Variants in NCAPG2 observed in about 807,000 individuals in gnomAD.
The protein encoded by NCAPG2 is non-SMC condensin II complex subunit G2, also known as condensin-2 complex subunit G2.
NCAPG2 carries 53 observed loss-of-function variants against 141.1 expected under a neutral mutation model. The ratio of observed to expected loss-of-function variants is 0.38; its 90% CI spans 0.30 to 0.47. The LOEUF is 0.47. Ranked by LOEUF, NCAPG2 falls within the 20% of genes least tolerant of loss-of-function variation. NCAPG2 has a pLI of 0.99. For missense variants in NCAPG2, 1,087 were observed against 1,389.0 expected (o/e 0.78, Z 3.46); for synonymous variants, 499 against 490.7 (o/e 1.02, Z -0.22).
chr7:158,681,113 CA>C (rs1314500917), intron 9 of NCAPG2, among the ~76,000 whole-genome samples: 1 of 151,988 alleles, frequency 6.6e-6, no homozygotes, highest in African/African-American at 2.4e-5. Context: ...CACATAACCT[CA>C]AAAAAAGACT....
chr7:158,651,096 G>A, intron 23 of NCAPG2, 124 bp from the exon 24 acceptor site: 3 of 1,031,994 alleles, frequency 2.9e-6, no homozygotes, highest in Non-Finnish European at 2.6e-6. Context: ...CACTGATCTT[G>A]TTTGCCTGCT....
At chr7:158,669,111 T>A (rs1456526080) in intron 13 of NCAPG2, among the ~76,000 whole-genome samples, 1 of 152,232 alleles carries the variant, frequency 6.6e-6, no homozygotes, top group African/African-American at 2.4e-5. Context: ...CGTTCCTTTT[T>A]ATGGCGGCAT....
intron 2 of NCAPG2, among the ~76,000 whole-genome samples, chr7:158,698,968 G>A (rs1835625957): frequency 6.6e-6 from 1 of 151,946 alleles, no homozygotes; most frequent in African/African-American, 2.4e-5. Context: ...TAACATTACT[G>A]TAGAGACGGG....
At chr7:158,682,972 T>C (rs1834532940) in intron 9 of NCAPG2, among the ~76,000 whole-genome samples, 1 of 152,092 alleles carries the variant, frequency 6.6e-6, no homozygotes, top group African/African-American at 2.4e-5. Flanking sequence ...ATAAGTAAAA[T>C]AATAAAAATA....
At chr7:158,687,839 T>C (rs556514469) in intron 6 of NCAPG2, among the ~76,000 whole-genome samples, 26 of 152,318 alleles carry the variant, frequency 1.7e-4, no homozygotes, top group African/African-American at 6.0e-4. Flanking sequence ...CCCAGTTCAT[T>C]TCACCTTCTC....
At chr7:158,688,168 C>A (rs988563995) in intron 6 of NCAPG2, among the ~76,000 whole-genome samples, 7 of 88,774 alleles carry the variant, frequency 7.9e-5, no homozygotes, top group Admixed American at 1.5e-4. Flanking sequence ...ATGCTCACAA[C>A]AGGCAAGTTA....
intron 6 of NCAPG2, among the ~76,000 whole-genome samples, chr7:158,688,653 T>C (rs892698356): frequency 1.1e-4 from 16 of 152,254 alleles, no homozygotes; most frequent in Admixed American, 6.5e-5. Context: ...TTACCTCATC[T>C]GTTCCTAACA....
At chr7:158,651,764 G>C (rs1229287376) in intron 23 of NCAPG2, among the ~76,000 whole-genome samples, 1 of 152,166 alleles carries the variant, frequency 6.6e-6, no homozygotes, top group African/African-American at 2.4e-5. Flanking sequence ...GCCCCTTCAA[G>C]GTCTGTGACT....
chr7:158,638,803 C>A (rs951942305), intron 27 of NCAPG2, among the ~76,000 whole-genome samples: 2 of 152,102 alleles, frequency 1.3e-5, no homozygotes, highest in Non-Finnish European at 2.9e-5. Context: ...ACACAATTAA[C>A]GAACGTGAAC....
intron 13 of NCAPG2, among the ~76,000 whole-genome samples, chr7:158,667,807 C>G (rs1387149540): frequency 1.6e-5 from 1 of 64,212 alleles, no homozygotes; most frequent in African/African-American, 1.1e-4. Flanking sequence ...GGTCCCTCCG[C>G]CCTCCTTACC....
At chr7:158,699,340 T>C (rs975544429) in intron 2 of NCAPG2, among the ~76,000 whole-genome samples, 5 of 152,172 alleles carry the variant, frequency 3.3e-5, no homozygotes, top group African/African-American at 1.2e-4. Flanking sequence ...TCTGGAACAC[T>C]TGCTTGAAAA....
chr7:158,658,901 G>A (rs1217710381), intron 16 of NCAPG2, among the ~76,000 whole-genome samples: 1 of 152,070 alleles, frequency 6.6e-6, no homozygotes. Flanking sequence ...AATGCAGTGG[G>A]GCATAGTGGC....
chr7:158,655,294 A>G, intron 20 of NCAPG2, 36 bp from the exon 21 acceptor site: 3 of 1,613,862 alleles, frequency 1.9e-6, no homozygotes, highest in East Asian at 2.2e-5. Context: ...AGTAACAAAA[A>G]GAGCACTGTG....
intron 16 of NCAPG2, among the ~76,000 whole-genome samples, chr7:158,660,094 C>T (rs1478129451): frequency 2.2e-5 from 3 of 137,826 alleles, no homozygotes; most frequent in South Asian, 4.5e-4. Context: ...GGCGACAGAG[C>T]GAGAAAAAAA....
At position 158,679,990 on chromosome 7, in the gene NCAPG2, A is replaced by G. The variant is rs1834348459; in HGVS notation, c.1116T>C (p.Ser372=). Residue 372 remains serine (S), a synonymous_variant, in exon 11 of 28, where the codon AGT becomes AGC. Transcript: ENST00000356309. The part of the protein sequence containing the change: ...DPNLHAIEMD[S]EIQKQFEELY... ...GCTCTTCAAACTGTTTCTGGATTTCACTATCCATTTCAATAGCATGAAGGT... is the reference window on the plus strand; with the variant it reads ...GCTCTTCAAACTGTTTCTGGATTTCGCTATCCATTTCAATAGCATGAAGGT... 6.2e-7 allele frequency: 1 copy of G among 1,614,154 alleles called. No homozygotes were observed. The highest frequency in any genetic ancestry group is 8.5e-7 in the Non-Finnish European group (1 of 1,179,994).
intron 11 of NCAPG2, among the ~76,000 whole-genome samples, chr7:158,676,026 T>A (rs1834029877): frequency 1.3e-5 from 2 of 152,146 alleles, no homozygotes; most frequent in Admixed American, 1.3e-4. Context: ...GAGCCCAGAA[T>A]AAAATAATTC....
rs1410962732 is a variant in NCAPG2, at chr7:158,633,296, A to T, written c.3381-1579T>A. On this transcript the variant is annotated intron_variant, in intron 27 of 27. Transcript: ENST00000356309. This position sits in a 1 kb window ranked among gnomAD's most constrained non-coding sequence, Gnocchi z 4.1. Reference sequence around the variant, plus strand: ...TCCAAATTGACCTTTCTGGAATTTGACTATCACAGGAACCATCTCTGTAGT... The same window carrying T: ...TCCAAATTGACCTTTCTGGAATTTGTCTATCACAGGAACCATCTCTGTAGT... Among the ~76,000 whole-genome samples the T allele has an allele frequency of 1.5e-5, 1 of 66,918 alleles. No homozygotes were observed. Among genetic ancestry groups the T allele is most frequent in the Non-Finnish European group, 2.8e-5 (1 of 35,458 alleles). The allele number at this position is 66,918 out of a possible 152,430, so 43.9% of individuals were successfully genotyped here. A position where few individuals can be genotyped will look rare whatever the true frequency, so the allele number is the denominator to read the frequency against.
intron 24 of NCAPG2, among the ~76,000 whole-genome samples, chr7:158,647,243 G>C (rs140206673): frequency 6.6e-6 from 1 of 152,136 alleles, no homozygotes; most frequent in African/African-American, 2.4e-5. Flanking sequence ...TGACCAGCTC[G>C]TTCTTTGGGG....
intron 13 of NCAPG2, among the ~76,000 whole-genome samples, chr7:158,667,539 G>T (rs77331826): frequency 7.8e-5 from 2 of 25,510 alleles, no homozygotes; most frequent in Admixed American, 5.1e-4. Flanking sequence ...CTACCCTGTG[G>T]CCCTCCACCC....
Sources: allele counts gnomAD v4.1 joint callset (sites outside exome capture counted in the v4.1 genomes callset), GRCh38; gene constraint gnomAD v4.1.1; non-coding constraint Gnocchi (gnomAD v3.1); transcripts MANE v1.5; gene names NCBI Gene and HGNC (gene_info 2026-07-23, HGNC 2026-07-21).